The following CSMD1 variants were observed in gnomAD, a reference collection of about 807,000 sequenced individuals.
CSMD1 encodes the protein CUB and Sushi multiple domains 1.
A neutral mutation model predicts 417.5 loss-of-function variants in CSMD1; 213 were observed. That is an observed-to-expected ratio of 0.51 (90% CI 0.46 to 0.57). The LOEUF is 0.57. CSMD1 is among the 20% of genes least tolerant of loss of function. The pLI, the probability that CSMD1 is intolerant of heterozygous loss-of-function variation, is 0.00. For missense variants in CSMD1, 6,923 were observed against 4,529.7 expected, an observed-to-expected ratio of 1.53 and a Z score of -15.17; for synonymous variants, 2,862 against 1,736.8, an observed-to-expected ratio of 1.65 and a Z score of -16.11.
intron 9 of CSMD1, among the ~76,000 whole-genome samples, chr8:3,580,969 C>G (rs1800357676): frequency 1.3e-5 from 2 of 152,176 alleles, no homozygotes; most frequent in African/African-American, 4.8e-5. Flanking sequence ...GCAATAATAA[C>G]TTTATTCCCT....
chr8:4,326,084 C>G (rs779047825), intron 3 of CSMD1, among the ~76,000 whole-genome samples: 1 of 152,132 alleles, frequency 6.6e-6, no homozygotes, highest in Non-Finnish European at 1.5e-5. Context: ...TCAGCATTAC[C>G]AGAACGGAGT....
chr8:4,353,094 C>G lies in CSMD1; in HGVS notation c.415+66859G>C, dbSNP rs1237487218. Among the ~76,000 whole-genome samples, 3 of 152,066 alleles carry G rather than the reference C, an allele frequency of 2.0e-5. No individual in the cohort carries two copies. The South Asian group carries it at 6.2e-4, about 31-fold the overall frequency. On this transcript the variant is annotated intron_variant, in intron 3 of 69. Transcript: ENST00000635120. ...ATTGTCAACTTCACTTATTTTTTAC[C>G]TGAAGTAATATAACATTCGGTTTAT... is the stretch of plus-strand genomic sequence containing the variant.
chr8:3,366,943 C>A (rs1187263099), intron 20 of CSMD1, 89 bp downstream of exon 20: 2 of 743,334 alleles, frequency 2.7e-6, no homozygotes, highest in Non-Finnish European at 4.3e-6. Flanking sequence ...GCACACATTA[C>A]ACACACACAC....
chr8:4,722,194 G>A (rs954798933), intron 1 of CSMD1, among the ~76,000 whole-genome samples: 5 of 151,950 alleles, frequency 3.3e-5, no homozygotes, highest in African/African-American at 1.2e-4. Context: ...GACTATGGGA[G>A]GTGATTAAAT....
At chr8:3,365,005 C>A (rs1477494888) in intron 20 of CSMD1, among the ~76,000 whole-genome samples, 1 of 152,130 alleles carries the variant, frequency 6.6e-6, no homozygotes, top group Non-Finnish European at 1.5e-5. Flanking sequence ...AACAGACTTG[C>A]GTCACTGCCA....
intron 10 of CSMD1, among the ~76,000 whole-genome samples, chr8:3,511,551 T>G (rs1372680386): frequency 6.6e-6 from 1 of 151,398 alleles, no homozygotes; most frequent in Non-Finnish European, 1.5e-5. Flanking sequence ...GGTCAGGAAT[T>G]TGAGATCAGC....
intron 1 of CSMD1, among the ~76,000 whole-genome samples, chr8:4,942,588 G>A (rs1028768239): frequency 1.3e-5 from 2 of 152,066 alleles, no homozygotes; most frequent in Non-Finnish European, 1.5e-5. Flanking sequence ...TCACTCTAAT[G>A]ACTAAGTCAT....
chr8:3,017,555 G>T (rs1808951324), intron 52 of CSMD1, among the ~76,000 whole-genome samples: 1 of 151,902 alleles, frequency 6.6e-6, no homozygotes, highest in African/African-American at 2.4e-5. Context: ...CAGCATTCCT[G>T]TAAGTCCTGC....
chr8:3,900,885 G>A (rs531014158), intron 5 of CSMD1, among the ~76,000 whole-genome samples: 1 of 152,306 alleles, frequency 6.6e-6, no homozygotes, highest in South Asian at 2.1e-4. Flanking sequence ...CCGTGCTCAG[G>A]CGTTTGCTTG....
chr8:4,222,995 G>C (rs528397539), intron 3 of CSMD1, among the ~76,000 whole-genome samples: 2 of 151,930 alleles, frequency 1.3e-5, no homozygotes, highest in African/African-American at 4.8e-5. Flanking sequence ...TTAGATTAAA[G>C]CAAATAAATA....
intron 38 of CSMD1, among the ~76,000 whole-genome samples, chr8:3,161,794 T>A (rs1322613630): frequency 6.6e-6 from 1 of 152,130 alleles, no homozygotes; most frequent in Non-Finnish European, 1.5e-5. Flanking sequence ...TGAGAACAGT[T>A]TGCAGGGTAG....
intron 3 of CSMD1, among the ~76,000 whole-genome samples, chr8:4,219,209 T>C (rs972381266): frequency 4.6e-5 from 7 of 152,216 alleles, no homozygotes; most frequent in Non-Finnish European, 1.0e-4. Context: ...GCTGTAAAAT[T>C]ATTTTTTCAC....
chr8:3,177,043 G>C (rs1820977397), intron 37 of CSMD1, among the ~76,000 whole-genome samples: 1 of 152,034 alleles, frequency 6.6e-6, no homozygotes, highest in Non-Finnish European at 1.5e-5. Flanking sequence ...CTCCCAAAGT[G>C]CTTGGATTAT....
chr8:3,646,079 C>A (rs111357596), intron 7 of CSMD1, among the ~76,000 whole-genome samples: 7 of 150,632 alleles, frequency 4.6e-5, no homozygotes, highest in South Asian at 2.1e-4. Flanking sequence ...TGAATTGTGG[C>A]AGAGTTACAA....
chr8:4,557,791 C>T lies in CSMD1; in HGVS notation c.302+79551G>A, dbSNP rs1489113410. Among the ~76,000 whole-genome samples the T allele has an allele frequency of 2.0e-5, 3 of 152,290 alleles. No individual in the cohort carries two copies. The East Asian group carries it at 5.8e-4, about 29-fold the overall frequency. On this transcript the variant is annotated intron_variant, in intron 2 of 69. Transcript: ENST00000635120. ...ATGGCACGTAAGTCTCCGTGCCCCA[C>T]GTTCAGGTTAGATTTCTTTTCATTT...
chr8:4,830,852 G>T (rs147358164), intron 1 of CSMD1, among the ~76,000 whole-genome samples: 2 of 152,144 alleles, frequency 1.3e-5, no homozygotes, highest in Non-Finnish European at 2.9e-5. Flanking sequence ...GCTAAGTGAA[G>T]AAATTCTGGG....
chr8:4,325,632 C>G (rs1284017623), intron 3 of CSMD1, among the ~76,000 whole-genome samples: 1 of 151,978 alleles, frequency 6.6e-6, no homozygotes, highest in Non-Finnish European at 1.5e-5. Flanking sequence ...AGATTTTTTC[C>G]CAAACTACCC....
intron 5 of CSMD1, among the ~76,000 whole-genome samples, chr8:3,960,535 G>A (rs935632756): frequency 4.6e-5 from 7 of 152,066 alleles, no homozygotes; most frequent in African/African-American, 1.7e-4. Context: ...ATTTAAGTGT[G>A]CCAATTAGGA....
At chr8:4,147,614 C>G (rs559561537) in intron 3 of CSMD1, among the ~76,000 whole-genome samples, 73 of 152,240 alleles carry the variant, frequency 4.8e-4, no homozygotes, top group African/African-American at 1.8e-3. Flanking sequence ...CCTAATGCAG[C>G]TGGACATGTG....
Sources: allele counts gnomAD v4.1 joint callset (sites outside exome capture counted in the v4.1 genomes callset), GRCh38; gene constraint gnomAD v4.1.1; transcripts MANE v1.5; gene names NCBI Gene and HGNC (gene_info 2026-07-23, HGNC 2026-07-21).